The following ARID1B variants were observed in gnomAD, a reference collection of about 807,000 sequenced individuals.
ARID1B encodes AT-rich interaction domain 1B.
A neutral mutation model predicts 212.3 loss-of-function variants in ARID1B; 30 were observed. The observed-to-expected ratio is 0.14, with a 90% confidence interval of 0.11 to 0.19. The LOEUF (loss-of-function observed/expected upper bound fraction) is 0.19. Ranked by LOEUF, ARID1B falls within the 10% of genes least tolerant of loss-of-function variation. The pLI is 1.00. For missense variants in ARID1B, 2,891 were observed against 3,204.0 expected (o/e 0.90, Z 2.36); for synonymous variants, 1,402 against 1,301.7 (o/e 1.08, Z -1.66).
chr6:157,159,311 C>T (rs796883643), intron 8 of ARID1B, among the ~76,000 whole-genome samples: 33 of 152,324 alleles, frequency 2.2e-4, no homozygotes, highest in South Asian at 2.1e-3. Context: ...TGCTAAAATT[C>T]AAGCAACCAG....
intron 4 of ARID1B, among the ~76,000 whole-genome samples, chr6:157,053,599 A>C (rs545499091): frequency 6.6e-6 from 1 of 152,344 alleles, no homozygotes; most frequent in African/African-American, 2.4e-5. Context: ...TTTTGGCTAT[A>C]ATTATTATCA....
intron 4 of ARID1B, among the ~76,000 whole-genome samples, chr6:156,995,035 A>C (rs961292081): frequency 1.3e-5 from 2 of 152,078 alleles, no homozygotes; most frequent in African/African-American, 2.4e-5. Flanking sequence ...CCCCTCTTGC[A>C]CCCCTGGAAT....
intron 2 of ARID1B, among the ~76,000 whole-genome samples, chr6:156,888,125 T>G (rs1365021608): frequency 2.6e-5 from 4 of 152,272 alleles, no homozygotes; most frequent in African/African-American, 7.2e-5. Flanking sequence ...GTTATCTCTT[T>G]AAAATTTTCT....
intron 4 of ARID1B, among the ~76,000 whole-genome samples, chr6:157,017,673 A>G (rs1779985846): frequency 6.6e-6 from 1 of 152,188 alleles, no homozygotes; most frequent in Non-Finnish European, 1.5e-5. Flanking sequence ...CTGAGACCAG[A>G]CTGCATTCAT....
At chr6:156,990,406 G>T (rs560810654) in intron 4 of ARID1B, among the ~76,000 whole-genome samples, 2 of 152,168 alleles carry the variant, frequency 1.3e-5, no homozygotes, top group South Asian at 4.2e-4. Flanking sequence ...ACTTTGGGAG[G>T]CCAAGGCAGG....
intron 2 of ARID1B, among the ~76,000 whole-genome samples, chr6:156,873,758 C>G (rs748684583): frequency 2.0e-5 from 3 of 152,184 alleles, no homozygotes; most frequent in African/African-American, 2.4e-5. Flanking sequence ...GCCCGGTCTT[C>G]CCCACCTGTG....
chr6:156,891,914 C>T (rs914414286), intron 2 of ARID1B, among the ~76,000 whole-genome samples: 5 of 150,810 alleles, frequency 3.3e-5, no homozygotes, highest in Admixed American at 2.0e-4. Context: ...CACTTTCCCC[C>T]GGGCTGGAGT....
chr6:157,000,957 A>AG (rs144096018), intron 4 of ARID1B, among the ~76,000 whole-genome samples: 1 of 152,220 alleles, frequency 6.6e-6, no homozygotes, highest in East Asian at 1.9e-4. Context: ...GGCCTCCAAA[A>AG]GGGCTGGTAT....
rs1554247863 is a variant in ARID1B at position 156,778,889 on chromosome 6, C to T, written c.1209C>T (p.Ser403=). ...GGGGGGGGGG[S]GGGGGGGGAG... ...GCGGCGGCGGAGGAGGAGGAGGCAG[C>T]GGAGGAGGAGGAGGAGGAGGAGGAG... Residue 403 remains serine, a synonymous_variant, in exon 1 of 20, where the codon AGC becomes AGT. Coordinates refer to ENST00000636930, the MANE Select transcript of ARID1B (RefSeq NM_001374828.1). 20 of 1,366,500 alleles carry T rather than the reference C, an allele frequency of 1.5e-5. No individual in the cohort carries two copies. In the South Asian group the frequency reaches 3.3e-4, roughly 23 times the overall value. The allele number at this position is 1,366,500 out of a possible 1,614,324, so 84.6% of individuals were successfully genotyped here.
chr6:156,942,790 C>G (rs1343832927), intron 4 of ARID1B: 1 of 152,380 alleles, frequency 6.6e-6, no homozygotes, highest in Non-Finnish European at 1.5e-5. Flanking sequence ...TCTGCTGCCT[C>G]CAGCTCCTGC....
chr6:156,802,231 A>G (rs7773832), intron 1 of ARID1B, among the ~76,000 whole-genome samples: 1,925 of 152,336 alleles, frequency 0.013, 47 homozygotes, highest in African/African-American at 0.044. Context: ...TAGGCTATGG[A>G]TTAGAAGAAA....
At chr6:156,856,710 A>T (rs77965029) in intron 2 of ARID1B, among the ~76,000 whole-genome samples, 22,174 of 73,648 alleles carry the variant, frequency 0.3, 1,755 homozygotes, top group Non-Finnish European at 0.34. Context: ...TCACACACAC[A>T]CACACACACA....
At chr6:157,055,839 G>A (rs7765804) in intron 4 of ARID1B, among the ~76,000 whole-genome samples, 1 of 152,078 alleles carries the variant, frequency 6.6e-6, no homozygotes, top group Non-Finnish European at 1.5e-5. Context: ...TTACTTCCCT[G>A]TGGCTGGAGT....
chr6:156,909,274 C>T (rs1174076102), intron 3 of ARID1B, among the ~76,000 whole-genome samples: 2 of 151,792 alleles, frequency 1.3e-5, no homozygotes, highest in Non-Finnish European at 2.9e-5. Context: ...TACAGGCGTG[C>T]ACCTCCACAC....
intron 4 of ARID1B, among the ~76,000 whole-genome samples, chr6:157,015,532 TG>T (rs1156734128): frequency 6.6e-6 from 1 of 152,154 alleles, no homozygotes; most frequent in Non-Finnish European, 1.5e-5. Flanking sequence ...TGAATGAGAT[TG>T]CTCAAGAAAA....
intron 3 of ARID1B, among the ~76,000 whole-genome samples, chr6:156,909,079 G>C (rs1215750946): frequency 6.9e-6 from 1 of 144,930 alleles, no homozygotes. Flanking sequence ...CTGTATGTGT[G>C]TATAAAACGT....
At chr6:156,838,750 C>G (rs920800541) in intron 2 of ARID1B, among the ~76,000 whole-genome samples, 1 of 132,830 alleles carries the variant, frequency 7.5e-6, no homozygotes, top group Non-Finnish European at 1.7e-5. Flanking sequence ...AAAAACCGCT[C>G]TAAGTAAGGA....
At chr6:157,000,511 C>A (rs1448122184) in intron 4 of ARID1B, among the ~76,000 whole-genome samples, 1 of 152,080 alleles carries the variant, frequency 6.6e-6, no homozygotes, top group Non-Finnish European at 1.5e-5. Flanking sequence ...AGTCTGAAAA[C>A]AATTATAGGA....
chr6:156,779,962 C>T lies in ARID1B; in HGVS notation c.1791+491C>T, dbSNP rs1399654944. 2.6e-5 allele frequency among the ~76,000 whole-genome samples: 4 copies of T among 152,190 alleles called. No homozygotes were observed. In the East Asian group the frequency reaches 7.7e-4, roughly 29 times the overall value. ...CACACCTTTAGCCACAGCACGTTCC[C>T]TCTTGGCTTCCGAGGTCCAGGCAGG... On this transcript the variant is annotated intron_variant, in intron 1 of 19. Transcript: ENST00000636930.
Sources: gnomAD v4.1 joint callset for allele counts (sites outside exome capture counted in the v4.1 genomes callset) on GRCh38, gnomAD v4.1.1 for gene constraint, MANE v1.5 for transcripts, NCBI Gene and HGNC (gene_info 2026-07-23, HGNC 2026-07-21) for gene names.